PDGFD: variants seen among roughly 807,000 people sequenced by gnomAD.
The protein encoded by PDGFD is platelet derived growth factor D.
Under a neutral mutation model 44.7 loss-of-function variants are expected in PDGFD, and 30 were observed. That is an observed-to-expected ratio of 0.67 (90% CI 0.50 to 0.91). PDGFD has a LOEUF of 0.91. Among genes scored for constraint, PDGFD ranks in the 40% least tolerant of loss-of-function variants. The pLI, the probability that PDGFD is intolerant of heterozygous loss-of-function variation, is 0.00. For synonymous variants in PDGFD, 173 were observed against 168.4 expected (o/e 1.03, Z -0.21); for missense variants, 445 against 457.8 (o/e 0.97, Z 0.25).
At chr11:104,107,827 C>A (rs1420048750) in intron 1 of PDGFD, among the ~76,000 whole-genome samples, 3 of 152,082 alleles carry the variant, frequency 2.0e-5, no homozygotes, top group Non-Finnish European at 4.4e-5. Flanking sequence ...GAATACATTT[C>A]TAATGCTCAG....
rs1861004906 is a variant in PDGFD at position 104,078,844 on chromosome 11, ATACC to A, written c.125-78593_125-78590del. ...ATTTACCAATGAGGGAAGAAAGATT[ATACC>A]ATATTATTTATTTACTTTATATACT... On this transcript the variant is annotated intron_variant, in intron 1 of 6. Coordinates refer to ENST00000393158, the MANE Select transcript of PDGFD (RefSeq NM_025208.5). Among the ~76,000 whole-genome samples, 2 of 134,442 alleles carry A rather than the reference ATACC, an allele frequency of 1.5e-5. 1 individual carries two copies. The highest frequency in any genetic ancestry group is 3.2e-5 in the Non-Finnish European group (2 of 61,964). The allele number at this position is 134,442 out of a possible 152,430, so 88.2% of individuals were successfully genotyped here. A position where few individuals can be genotyped will look rare whatever the true frequency, so the allele number is the denominator to read the frequency against.
chr11:104,100,133 C>T (rs1861352666), intron 1 of PDGFD, among the ~76,000 whole-genome samples: 1 of 152,088 alleles, frequency 6.6e-6, no homozygotes, highest in African/African-American at 2.4e-5. Context: ...CACTTGAATC[C>T]TCAGGAGCAC....
In PDGFD at chr11:103,996,061, T is replaced by C. The variant is rs758981265; in HGVS notation, c.510+4A>G. The C allele has an allele frequency of 3.1e-6, 5 of 1,611,642 alleles. No homozygotes were observed. The highest frequency in any genetic ancestry group is 1.7e-5 in the Admixed American group (1 of 59,750). On this transcript the variant is annotated splice_donor_region_variant and intron_variant, in intron 3 of 6. Coordinates refer to ENST00000393158, the MANE Select transcript of PDGFD (RefSeq NM_025208.5). ...TTTTAATCATAAAGTGGTTAAGTACTCACCAGCAAAGAATAATAAATCTTG... is the reference window on the plus strand; with the variant it reads ...TTTTAATCATAAAGTGGTTAAGTACCCACCAGCAAAGAATAATAAATCTTG...
At chr11:104,069,580 GC>G in intron 1 of PDGFD, among the ~76,000 whole-genome samples, 1 of 152,176 alleles carries the variant, frequency 6.6e-6, no homozygotes, top group Non-Finnish European at 1.5e-5. Flanking sequence ...AATGATGCTG[GC>G]CGGGCACAGT....
chr11:104,066,213 T>A (rs757560651), intron 1 of PDGFD, among the ~76,000 whole-genome samples: 1 of 152,160 alleles, frequency 6.6e-6, no homozygotes, highest in Non-Finnish European at 1.5e-5. Flanking sequence ...ACTGGAATCA[T>A]AAGCCATGAT....
rs77084135 is a variant in PDGFD at position 104,107,157 on chromosome 11, C to G, written c.124+56647G>C. On this transcript the variant is annotated intron_variant, in intron 1 of 6. Transcript: ENST00000393158. The stretch of plus-strand genomic sequence containing the variant: ...TTGTGATGTAATTAAAGTCCCTAAT[C>G]AATTGAGTTTGAGTTCATCAGAAGG... Among the ~76,000 whole-genome samples, 1,076 of 152,220 alleles carry G rather than the reference C, an allele frequency of 7.1e-3. 14 individuals carry two copies. The highest frequency in any genetic ancestry group is 6.3e-3 in the Non-Finnish European group (430 of 68,014).
At chr11:103,963,108 T>C (rs1362505504) in intron 3 of PDGFD, among the ~76,000 whole-genome samples, 4 of 152,166 alleles carry the variant, frequency 2.6e-5, no homozygotes, top group Admixed American at 6.5e-5. Flanking sequence ...AAACACTTCG[T>C]GCTACCTGTA....
chr11:103,980,231 C>T (rs922523149), intron 3 of PDGFD, among the ~76,000 whole-genome samples: 14 of 151,896 alleles, frequency 9.2e-5, no homozygotes, highest in African/African-American at 2.9e-4. Flanking sequence ...GAAAATCATA[C>T]GGAGTGCTTC....
At chr11:104,072,405 G>A (rs903917411) in intron 1 of PDGFD, among the ~76,000 whole-genome samples, 5 of 151,656 alleles carry the variant, frequency 3.3e-5, no homozygotes, top group African/African-American at 1.2e-4. Context: ...TGTATAATAA[G>A]ATATTATTTT....
intron 1 of PDGFD, among the ~76,000 whole-genome samples, chr11:104,100,718 C>T (rs1405806882): frequency 6.6e-6 from 1 of 152,078 alleles, no homozygotes; most frequent in Non-Finnish European, 1.5e-5. Flanking sequence ...ACTGGCAAAC[C>T]GAATCCAGCA....
In PDGFD at chr11:104,091,545, G is replaced by T. The variant is rs372258480; in HGVS notation, c.124+72259C>A. ...CTGCAGCAACAGTGTTCTTAGATAT[G>T]GCACTGAGTATTTGCAGGGAAAGGC... On this transcript the variant is annotated intron_variant, in intron 1 of 6. Coordinates refer to ENST00000393158, the MANE Select transcript of PDGFD (RefSeq NM_025208.5). 6.6e-5 allele frequency among the ~76,000 whole-genome samples: 10 copies of T among 152,230 alleles called. No individual in the cohort carries two copies. The East Asian group carries it at 1.9e-3, about 29-fold the overall frequency.
At chr11:104,056,857 T>A (rs1208550838) in intron 1 of PDGFD, among the ~76,000 whole-genome samples, 1 of 152,074 alleles carries the variant, frequency 6.6e-6, no homozygotes, top group Non-Finnish European at 1.5e-5. Flanking sequence ...CGGCTGGGCA[T>A]GGTGGCTCAC....
intron 1 of PDGFD, among the ~76,000 whole-genome samples, chr11:104,094,740 T>C (rs1861259090): frequency 1.3e-5 from 2 of 152,156 alleles, no homozygotes; most frequent in Non-Finnish European, 2.9e-5. Context: ...ATCCCATTCA[T>C]TGACAAATAC....
intron 1 of PDGFD, among the ~76,000 whole-genome samples, chr11:104,016,510 T>C (rs1013732807): frequency 2.6e-5 from 4 of 152,234 alleles, no homozygotes; most frequent in African/African-American, 9.6e-5. Flanking sequence ...TTACCAAGAC[T>C]GGCTTGGACC....
At chr11:104,088,153 G>T (rs1442735305) in intron 1 of PDGFD, among the ~76,000 whole-genome samples, 1 of 152,150 alleles carries the variant, frequency 6.6e-6, no homozygotes, top group African/African-American at 2.4e-5. Flanking sequence ...TTAATGCAGG[G>T]TTTATGTCTG....
intron 3 of PDGFD, among the ~76,000 whole-genome samples, chr11:103,960,202 C>CA (rs567243448): frequency 2.6e-4 from 39 of 152,022 alleles, no homozygotes; most frequent in East Asian, 1.9e-3. Flanking sequence ...TTTTTGGTGC[C>CA]AAAAAAAGGA....
chr11:104,157,355 C>T (rs1230142413), intron 1 of PDGFD, among the ~76,000 whole-genome samples: 8 of 152,130 alleles, frequency 5.3e-5, no homozygotes, highest in African/African-American at 1.9e-4. Context: ...CTCGGCCTTG[C>T]GGACTATTCA....
intron 5 of PDGFD, among the ~76,000 whole-genome samples, chr11:103,933,703 T>G (rs553931281): frequency 6.6e-6 from 1 of 152,204 alleles, no homozygotes; most frequent in East Asian, 1.9e-4. Flanking sequence ...AAATCAAATT[T>G]CATTTAATTC....
At chr11:103,916,875 G>A (rs1212087611) in intron 6 of PDGFD, among the ~76,000 whole-genome samples, 1 of 152,126 alleles carries the variant, frequency 6.6e-6, no homozygotes, top group African/African-American at 2.4e-5. Context: ...CTTGTAAGTG[G>A]GAGTTGAACA....
Sources: allele counts gnomAD v4.1 joint callset (sites outside exome capture counted in the v4.1 genomes callset), GRCh38; gene constraint gnomAD v4.1.1; transcripts MANE v1.5; gene names NCBI Gene and HGNC (gene_info 2026-07-23, HGNC 2026-07-21).